The following CDH8 variants were observed in gnomAD, a reference collection of about 807,000 sequenced individuals.
CDH8 encodes cadherin 8.
In CDH8, 17 loss-of-function variants were observed where a neutral mutation model predicts 68.1. The ratio of observed to expected loss-of-function variants is 0.25; its 90% CI spans 0.17 to 0.37. The LOEUF (loss-of-function observed/expected upper bound fraction) is 0.37, where lower values mean the gene tolerates loss of function less well. Ranked by LOEUF, CDH8 falls within the 10% of genes least tolerant of loss-of-function variation. CDH8 has a pLI of 1.00. For missense variants in CDH8, 763 were observed against 999.3 expected (o/e 0.76, Z 3.19); for synonymous variants, 372 against 365.1 (o/e 1.02, Z -0.21).
At chr16:61,813,622 G>A (rs1269836766) in intron 7 of CDH8, among the ~76,000 whole-genome samples, 1 of 152,162 alleles carries the variant, frequency 6.6e-6, no homozygotes, top group Non-Finnish European at 1.5e-5. Context: ...TAGCCGGGAG[G>A]ATTCAATCTG....
chr16:61,761,932 T>C (rs1438015973), intron 8 of CDH8, among the ~76,000 whole-genome samples: 1 of 152,060 alleles, frequency 6.6e-6, no homozygotes, highest in East Asian at 1.9e-4. Context: ...CCTACAGGTG[T>C]TGAGGCTACA....
At chr16:61,862,910 T>A (rs1256958517) in intron 3 of CDH8, among the ~76,000 whole-genome samples, 1 of 152,172 alleles carries the variant, frequency 6.6e-6, no homozygotes, top group Non-Finnish European at 1.5e-5. Flanking sequence ...GTGTTTTCAT[T>A]TGGAACTGTT....
chr16:61,928,884 T>C (rs796814896), intron 2 of CDH8, among the ~76,000 whole-genome samples: 5 of 152,234 alleles, frequency 3.3e-5, no homozygotes, highest in African/African-American at 1.2e-4. Context: ...AGACTGTTCT[T>C]TAATAGGGCT....
At chr16:61,947,597 TAAA>T (rs963257296) in intron 2 of CDH8, among the ~76,000 whole-genome samples, 1 of 152,180 alleles carries the variant, frequency 6.6e-6, no homozygotes, top group African/African-American at 2.4e-5. Context: ...TGAGGGAAAG[TAAA>T]AAACATTTTT....
chr16:61,968,714 G>C (rs1965292913), intron 2 of CDH8, among the ~76,000 whole-genome samples: 1 of 152,194 alleles, frequency 6.6e-6, no homozygotes, highest in Non-Finnish European at 1.5e-5. Context: ...AATTCATGCT[G>C]TTAAAAACCT....
chr16:61,953,899 ATATAT>A (rs1964937378), intron 2 of CDH8, among the ~76,000 whole-genome samples: 1 of 62,064 alleles, frequency 1.6e-5, no homozygotes, highest in African/African-American at 7.6e-5. Context: ...AAAACTTTAT[ATATAT>A]ATATATATAT....
At position 62,021,984 on chromosome 16, in the gene CDH8, T is replaced by C. The variant is rs1330130404; in HGVS notation, c.-199-382A>G. On this transcript the variant is annotated intron_variant, in intron 1 of 11. Transcript: ENST00000577390. The stretch of plus-strand genomic sequence containing the variant: ...TTTTTTGTTTTAACACTTCAGGGTG[T>C]ATGCTAACACAGCCCACTTGTCGAA... Among the ~76,000 whole-genome samples the C allele has an allele frequency of 2.6e-5, 4 of 152,152 alleles. No homozygotes were observed. The South Asian group carries it at 6.2e-4, about 24-fold the overall frequency.
chr16:61,871,412 C>T (rs1047560441), intron 3 of CDH8, among the ~76,000 whole-genome samples: 1 of 151,668 alleles, frequency 6.6e-6, no homozygotes, highest in East Asian at 1.9e-4. Context: ...AATCCTCTCA[C>T]CTTGGCCTTC....
chr16:61,752,450 A>T (rs1487728290), intron 8 of CDH8, among the ~76,000 whole-genome samples: 1 of 152,180 alleles, frequency 6.6e-6, no homozygotes, highest in Non-Finnish European at 1.5e-5. Flanking sequence ...ATAAGACAAA[A>T]CTACTCTAAG....
At chr16:61,871,815 C>CAAAAAAAAAAA (rs144379377) in intron 3 of CDH8, among the ~76,000 whole-genome samples, 5 of 43,346 alleles carry the variant, frequency 1.2e-4, no homozygotes, top group Non-Finnish European at 1.6e-4. Flanking sequence ...GTTCTATATG[C>CAAAAAAAAAAA]AAAAAAAAAA....
At chr16:62,013,901 G>A (rs1367386521) in intron 2 of CDH8, among the ~76,000 whole-genome samples, 1 of 152,090 alleles carries the variant, frequency 6.6e-6, no homozygotes, top group Non-Finnish European at 1.5e-5. Context: ...TGCTTCAAGT[G>A]GGAAAAATAT....
intron 7 of CDH8, among the ~76,000 whole-genome samples, chr16:61,791,440 T>G (rs1204667791): frequency 6.6e-6 from 1 of 152,072 alleles, no homozygotes; most frequent in East Asian, 1.9e-4. Flanking sequence ...GTGTTTTGCT[T>G]CAGATATCAT....
chr16:61,706,882 T>C (rs1964545959), intron 10 of CDH8, among the ~76,000 whole-genome samples: 1 of 152,184 alleles, frequency 6.6e-6, no homozygotes, highest in African/African-American at 2.4e-5. Context: ...AATATTCCAC[T>C]TGCCACTATG....
intron 3 of CDH8, among the ~76,000 whole-genome samples, chr16:61,868,432 CT>C (rs1490245125): frequency 6.6e-6 from 1 of 151,994 alleles, no homozygotes; most frequent in Non-Finnish European, 1.5e-5. Context: ...ACTGTTTTGT[CT>C]TCTTTTCATT....
intron 10 of CDH8, among the ~76,000 whole-genome samples, chr16:61,682,541 T>C (rs1964032215): frequency 6.6e-6 from 1 of 151,956 alleles, no homozygotes; most frequent in African/African-American, 2.4e-5. Flanking sequence ...GATTTAAAAA[T>C]TATTAGTATT....
At chr16:61,884,335 C>A (rs1416754153) in intron 3 of CDH8, among the ~76,000 whole-genome samples, 4 of 152,076 alleles carry the variant, frequency 2.6e-5, no homozygotes, top group Non-Finnish European at 5.9e-5. Context: ...TGGTCAACTT[C>A]CACGTGATGA....
chr16:61,983,659 A>C (rs150907360), intron 2 of CDH8, among the ~76,000 whole-genome samples: 2 of 152,306 alleles, frequency 1.3e-5, no homozygotes, highest in East Asian at 3.9e-4. Context: ...GCTTAACTAT[A>C]AATTTTAATT....
intron 8 of CDH8, among the ~76,000 whole-genome samples, chr16:61,764,930 T>A (rs1960550760): frequency 6.6e-6 from 1 of 152,094 alleles, no homozygotes; most frequent in African/African-American, 2.4e-5. Flanking sequence ...ATTTTCTATC[T>A]AATTTTATCT....
At chr16:61,842,108 C>T (rs1009405973) in intron 4 of CDH8, among the ~76,000 whole-genome samples, 62 of 150,266 alleles carry the variant, frequency 4.1e-4, no homozygotes, top group Admixed American at 1.7e-3. Flanking sequence ...GGGATTTCAC[C>T]ATGCTAGCCA....
Sources: gnomAD v4.1 joint callset for allele counts (sites outside exome capture counted in the v4.1 genomes callset) on GRCh38, gnomAD v4.1.1 for gene constraint, MANE v1.5 for transcripts, NCBI Gene and HGNC (gene_info 2026-07-23, HGNC 2026-07-21) for gene names.